Variants in DENND3 observed in about 807,000 individuals in gnomAD.
DENND3 encodes DENN domain containing 3.
DENND3 carries 88 observed loss-of-function variants against 135.1 expected under a neutral mutation model. The observed-to-expected ratio is 0.65, with a 90% confidence interval of 0.55 to 0.78. DENND3 has a LOEUF of 0.78. Among genes scored for constraint, DENND3 ranks in the 30% least tolerant of loss-of-function variants. The pLI, the probability that DENND3 is intolerant of heterozygous loss-of-function variation, is 0.00. For synonymous variants in DENND3, 693 were observed against 712.3 expected (o/e 0.97, Z 0.43); for missense variants, 1,392 against 1,688.4 (o/e 0.82, Z 3.08).
intron 4 of DENND3, chr8:141,142,424 G>A: frequency 2.2e-6 from 1 of 457,104 alleles, no homozygotes; most frequent in Non-Finnish European, 4.4e-6. Context: ...GAGACCTTCT[G>A]CCTTGACCAG....
chr8:141,153,254 T>C (rs1417848847), intron 7 of DENND3, among the ~76,000 whole-genome samples: 2 of 151,954 alleles, frequency 1.3e-5, no homozygotes, highest in Non-Finnish European at 2.9e-5. Flanking sequence ...CCACCACACC[T>C]GGCTAATTTT....
rs533895263 is a variant in DENND3 at position 141,193,107 on chromosome 8, C to A, written c.3636+444C>A. 3.4e-5 allele frequency: 10 copies of A among 296,880 alleles called. No homozygotes were observed. In the East Asian group the frequency reaches 9.8e-4, roughly 29 times the overall value. 18.4% of individuals were successfully genotyped at this position (296,880 alleles called of 1,614,324 possible). A position where few individuals can be genotyped will look rare whatever the true frequency, so the allele number is the denominator to read the frequency against. ...CTGTGCCTGCACCACATGGCACTCT[C>A]TCTCCCTGTGTGTGTCTCTTATGGG... is the stretch of plus-strand genomic sequence containing the variant. On this transcript the variant is annotated intron_variant, in intron 22 of 22. Transcript: ENST00000519811.
In DENND3 at chr8:141,182,638, G is replaced by A. The variant is rs1413422808; in HGVS notation, c.2944+1784G>A. Among the ~76,000 whole-genome samples, 3 of 152,218 alleles carry A rather than the reference G, an allele frequency of 2.0e-5. No individual in the cohort carries two copies. The East Asian group carries it at 5.8e-4, about 29-fold the overall frequency. ...AGCAGCCGTGGGGAATGGGGAAACC[G>A]CCTTTTCCTGTGGCTGCCGATTCTG... is the stretch of plus-strand genomic sequence containing the variant. On this transcript the variant is annotated intron_variant, in intron 17 of 22. Transcript: ENST00000519811. The surrounding 1 kb of genome is among the most constrained non-coding windows in gnomAD (Gnocchi z 5.9).
rs900939760 is a variant in DENND3, at chr8:141,182,867, T to C, written c.2944+2013T>C. Among the ~76,000 whole-genome samples, 11 of 152,164 alleles carry C rather than the reference T, an allele frequency of 7.2e-5. No individual in the cohort carries two copies. Among genetic ancestry groups the C allele is most frequent in the Non-Finnish European group, 1.5e-4 (10 of 68,016 alleles). Reference sequence around the variant, plus strand: ...CACAGGTCAGCTCAGGCTCTGCCCATGGGGAGCGTGCCTCTCAGAGACGGC... The same window carrying C: ...CACAGGTCAGCTCAGGCTCTGCCCACGGGGAGCGTGCCTCTCAGAGACGGC... On this transcript the variant is annotated intron_variant, in intron 17 of 22. Coordinates refer to ENST00000519811, the MANE Select transcript of DENND3 (RefSeq NM_001352890.3). This position sits in a 1 kb window ranked among gnomAD's most constrained non-coding sequence, Gnocchi z 5.9.
At chr8:141,179,198 C>T (rs1427402194) in intron 16 of DENND3, among the ~76,000 whole-genome samples, 2 of 152,250 alleles carry the variant, frequency 1.3e-5, no homozygotes, top group Non-Finnish European at 2.9e-5. Context: ...CCTTGAGCTG[C>T]AGCAGCAGCC....
rs747713457 is a variant in DENND3, at chr8:141,168,091, A to G, written c.1841A>G (p.His614Arg). 3 of 1,614,158 alleles carry G rather than the reference A, an allele frequency of 1.9e-6. No homozygotes were observed. Among genetic ancestry groups the G allele is most frequent in the East Asian group, 2.2e-5 (1 of 44,882 alleles). The part of the protein sequence containing the change: ...PLESKCVQAY[H>R]AHFVSMLSEA... ...GAGAGCAAGTGCGTGCAGGCATACC[A>G]TGCCCACTTTGTCTCCATGCTGAGC... The change falls in exon 13 of 23, where the codon CAT becomes CGT. Residue 614 changes from histidine (H) to arginine (R), a missense_variant. Coordinates refer to ENST00000519811, the MANE Select transcript of DENND3 (RefSeq NM_001352890.3). This position sits in a 1 kb window ranked among gnomAD's most constrained non-coding sequence, Gnocchi z 6.2.
Position 141,130,923 on chromosome 8 carries a change from G to A in DENND3, c.102+2114G>A, listed in dbSNP as rs934197063. On this transcript the variant is annotated intron_variant, in intron 1 of 22. Coordinates refer to ENST00000519811, the MANE Select transcript of DENND3 (RefSeq NM_001352890.3). The surrounding 1 kb of genome is among the most constrained non-coding windows in gnomAD (Gnocchi z 4.2). Reference sequence around the variant, plus strand: ...GCTGGTCTCAAACTCCTGACCTCACGATCTGCCCGCCTCGGCCTCCCAAAG... The same window carrying A: ...GCTGGTCTCAAACTCCTGACCTCACAATCTGCCCGCCTCGGCCTCCCAAAG... 5.3e-5 allele frequency among the ~76,000 whole-genome samples: 8 copies of A among 152,134 alleles called. No individual in the cohort carries two copies. Among genetic ancestry groups the A allele is most frequent in the Admixed American group, 5.2e-4 (8 of 15,270 alleles).
chr8:141,180,216 T>C (rs1282123868), intron 16 of DENND3, among the ~76,000 whole-genome samples: 1 of 152,198 alleles, frequency 6.6e-6, no homozygotes, highest in Non-Finnish European at 1.5e-5. Flanking sequence ...TGGCATCTCA[T>C]GATGCTCCAC....
chr8:141,156,550 CCATTCATTCATTCATTCACT>C (rs1569555845), intron 8 of DENND3, among the ~76,000 whole-genome samples: 1 of 152,122 alleles, frequency 6.6e-6, no homozygotes, highest in African/African-American at 2.4e-5. Flanking sequence ...AGTTCCCTAT[CCATTCATTCATTCATTCACT>C]CATTCATTCA....
chr8:141,191,154 T>C (rs1824698115), intron 20 of DENND3: 1 of 152,274 alleles, frequency 6.6e-6, no homozygotes, highest in Non-Finnish European at 1.5e-5. Flanking sequence ...CACGCAGCGT[T>C]TCCGTCACAG....
chr8:141,142,013 C>T lies in DENND3; in HGVS notation c.623+689C>T, dbSNP rs898588072. The T allele has an allele frequency of 2.1e-5, 5 of 235,354 alleles. No individual in the cohort carries two copies. The Admixed American group carries it at 2.6e-4, about 12-fold the overall frequency. The allele number at this position is 235,354 out of a possible 1,614,324, so 14.6% of individuals were successfully genotyped here. On this transcript the variant is annotated intron_variant, in intron 4 of 22. Transcript: ENST00000519811. ...GAGCTGTGATTGCACCACCACACTC[C>T]AGCCTAGGTTACAGAGCAGGACCCT...
At chr8:141,143,970 C>A in intron 4 of DENND3, 178 bp from the exon 5 acceptor site, 1 of 550,016 alleles carries the variant, frequency 1.8e-6, no homozygotes, top group Non-Finnish European at 3.2e-6. Context: ...CAGGCACTAC[C>A]GCAGACCTGG....
rs1822163029 is a variant in DENND3, at chr8:141,175,144, G to A, written c.2276-56G>A. The A allele has an allele frequency of 6.4e-7, 1 of 1,554,410 alleles. No homozygotes were observed. The highest frequency in any genetic ancestry group is 8.7e-7 in the Non-Finnish European group (1 of 1,152,358). On this transcript the variant is annotated intron_variant, in intron 13 of 22. Coordinates refer to ENST00000519811, the MANE Select transcript of DENND3 (RefSeq NM_001352890.3). The surrounding 1 kb of genome is among the most constrained non-coding windows in gnomAD (Gnocchi z 5.4). ...TCTTCAGGTCATGGAGAAGCCCTTGGGGCTCCCGAGGTATGTGGCTGTAAG... is the reference window on the plus strand; with the variant it reads ...TCTTCAGGTCATGGAGAAGCCCTTGAGGCTCCCGAGGTATGTGGCTGTAAG...
chr8:141,180,731 G>A lies in DENND3; in HGVS notation c.2837-16G>A, dbSNP rs1293779084. On this transcript the variant is annotated splice_polypyrimidine_tract_variant and intron_variant, in intron 16 of 22. Transcript: ENST00000519811. ...TGAGGCTGCAACAGTAACACTCCAAGTGTCTTGTCTTTCAGTGCCCATGAC... is the reference window on the plus strand; with the variant it reads ...TGAGGCTGCAACAGTAACACTCCAAATGTCTTGTCTTTCAGTGCCCATGAC... 1.2e-6 allele frequency: 2 copies of A among 1,610,210 alleles called. No individual in the cohort carries two copies. Among genetic ancestry groups the A allele is most frequent in the African/African-American group, 1.3e-5 (1 of 74,890 alleles).
Position 141,192,535 on chromosome 8 carries a change from C to G in DENND3, c.3508C>G (p.Leu1170Val). Reference sequence around the variant, plus strand: ...GTGCCCTGCGTTTCAGGAGGAGCAGCTGTGGGCGGCCTGTGCAGGACGCAG... The same window carrying G: ...GTGCCCTGCGTTTCAGGAGGAGCAGGTGTGGGCGGCCTGTGCAGGACGCAG... The part of the protein sequence containing the change: ...AFQLLPEEEQ[L>V]WAACAGRSEV... The change falls in exon 22 of 23, where the codon CTG becomes GTG. Residue 1170 changes from leucine (L) to valine (V), a missense_variant. Coordinates refer to ENST00000519811, the MANE Select transcript of DENND3 (RefSeq NM_001352890.3). 2.5e-6 allele frequency: 4 copies of G among 1,595,072 alleles called. No homozygotes were observed. The highest frequency in any genetic ancestry group is 3.4e-6 in the Non-Finnish European group (4 of 1,169,406).
At position 141,175,054 on chromosome 8, in the gene DENND3, G is replaced by C. The variant is rs996491031; in HGVS notation, c.2276-146G>C. ...GGGAAGGCCCTGGGAAACCTTCTAG[G>C]CAGTTTCCATCCAGCGCCCTGAGTG... On this transcript the variant is annotated intron_variant, in intron 13 of 22. Coordinates refer to ENST00000519811, the MANE Select transcript of DENND3 (RefSeq NM_001352890.3). This position sits in a 1 kb window ranked among gnomAD's most constrained non-coding sequence, Gnocchi z 5.4. 1.0e-5 allele frequency: 9 copies of C among 902,488 alleles called. No homozygotes were observed. Among genetic ancestry groups the C allele is most frequent in the Non-Finnish European group, 1.4e-5 (8 of 590,630 alleles). 55.9% of individuals were successfully genotyped at this position (902,488 alleles called of 1,614,324 possible).
chr8:141,151,308 C>T (rs1168708003), intron 6 of DENND3, among the ~76,000 whole-genome samples: 1 of 152,112 alleles, frequency 6.6e-6, no homozygotes, highest in African/African-American at 2.4e-5. Flanking sequence ...TGCCTGTAAT[C>T]CCAGTACTTT....
In DENND3 at chr8:141,139,500, C is replaced by G. The variant is rs1482284124; in HGVS notation, c.501+1363C>G. Among the ~76,000 whole-genome samples, 9 of 152,210 alleles carry G rather than the reference C, an allele frequency of 5.9e-5. No homozygotes were observed. The highest frequency in any genetic ancestry group is 5.9e-4 in the Admixed American group (9 of 15,284). On this transcript the variant is annotated intron_variant, in intron 3 of 22. Transcript: ENST00000519811. The surrounding 1 kb of genome is among the most constrained non-coding windows in gnomAD (Gnocchi z 4.2). ...GGGGACCAGCGTCCGCCTCTGTGAC[C>G]TGGCTGCCAGCAGCCCCAGGCCTTT... is the stretch of plus-strand genomic sequence containing the variant.
chr8:141,188,796 G>A, intron 18 of DENND3, 190 bp from the exon 19 acceptor site: 3 of 646,562 alleles, frequency 4.6e-6, no homozygotes, highest in Non-Finnish European at 7.7e-6. Flanking sequence ...AGCACGCGGA[G>A]AACAAGGTTA....
Sources: gnomAD v4.1 joint callset for allele counts (sites outside exome capture counted in the v4.1 genomes callset) on GRCh38, gnomAD v4.1.1 for gene constraint, Gnocchi (gnomAD v3.1) non-coding constraint, MANE v1.5 for transcripts, NCBI Gene and HGNC (gene_info 2026-07-23, HGNC 2026-07-21) for gene names.